ELMOD1: variants seen among roughly 807,000 people sequenced by gnomAD.
The protein encoded by ELMOD1 is ELMO domain-containing protein 1.
Under a neutral mutation model 46.7 loss-of-function variants are expected in ELMOD1, and 21 were observed. That is an observed-to-expected ratio of 0.45 (90% confidence interval 0.32 to 0.65). The LOEUF (loss-of-function observed/expected upper bound fraction) is 0.65. Ranked by LOEUF, ELMOD1 falls within the 30% of genes least tolerant of loss-of-function variation. The probability of loss-of-function intolerance (pLI) is 0.04; values close to 1 mark genes in which losing one functional copy is unlikely to be tolerated. For missense variants in ELMOD1, 348 were observed against 407.8 expected, an observed-to-expected ratio of 0.85 and a Z score of 1.26; for synonymous variants, 122 against 138.2, an observed-to-expected ratio of 0.88 and a Z score of 0.82.
chr11:107,597,205 G>T (rs897031094), intron 1 of ELMOD1, among the ~76,000 whole-genome samples: 1 of 152,116 alleles, frequency 6.6e-6, no homozygotes, highest in Non-Finnish European at 1.5e-5. Context: ...TGACAATCAG[G>T]ATTAAATTTG....
At chr11:107,664,040 C>T (rs1591143846) in intron 11 of ELMOD1, among the ~76,000 whole-genome samples, 1 of 152,132 alleles carries the variant, frequency 6.6e-6, no homozygotes, top group African/African-American at 2.4e-5. Flanking sequence ...GGCTGGAGTG[C>T]AGTGGCGCAA....
chr11:107,640,092 C>G (rs1866294954), intron 6 of ELMOD1, among the ~76,000 whole-genome samples: 1 of 152,194 alleles, frequency 6.6e-6, no homozygotes, highest in South Asian at 2.1e-4. Flanking sequence ...CAACCTCCAC[C>G]TCCCAGGTTC....
At chr11:107,655,573 C>CTTTTTTTTTTTTTT (rs746890763) in intron 10 of ELMOD1, among the ~76,000 whole-genome samples, 3,683 of 112,180 alleles carry the variant, frequency 0.033, 297 homozygotes, top group Non-Finnish European at 0.046. Context: ...ATTGAAATGC[C>CTTTTTTTTTTTTTT]TTTTTTTTTT....
At chr11:107,649,929 C>A (rs1165847346) in intron 7 of ELMOD1, among the ~76,000 whole-genome samples, 2 of 151,960 alleles carry the variant, frequency 1.3e-5, no homozygotes, top group Non-Finnish European at 2.9e-5. Context: ...GAAACATATC[C>A]TCTCTCATCT....
chr11:107,634,408 A>T (rs1244298670), intron 5 of ELMOD1, among the ~76,000 whole-genome samples: 1 of 152,130 alleles, frequency 6.6e-6, no homozygotes. Flanking sequence ...TTATTCAAAT[A>T]GTGTACATTC....
intron 1 of ELMOD1, among the ~76,000 whole-genome samples, chr11:107,605,859 G>A (rs1865676698): frequency 6.6e-6 from 1 of 152,226 alleles, no homozygotes; most frequent in Non-Finnish European, 1.5e-5. Flanking sequence ...AATATGAGAT[G>A]CAGCATAGCC....
chr11:107,601,045 T>C (rs1014877914), intron 1 of ELMOD1, among the ~76,000 whole-genome samples: 2 of 152,182 alleles, frequency 1.3e-5, no homozygotes, highest in Non-Finnish European at 1.5e-5. Flanking sequence ...TAAAACATTG[T>C]ATTGCTACAA....
intron 2 of ELMOD1, chr11:107,619,924 T>C (rs891825813): frequency 1.3e-5 from 2 of 152,208 alleles, no homozygotes; most frequent in Admixed American, 6.5e-5. Flanking sequence ...AAAGCTAGGA[T>C]AACAGATTGT....
chr11:107,611,824 C>T (rs1240419364), intron 1 of ELMOD1, among the ~76,000 whole-genome samples: 1 of 151,706 alleles, frequency 6.6e-6, no homozygotes, highest in Admixed American at 6.6e-5. Flanking sequence ...AATGAGATAC[C>T]ATCTCACATT....
chr11:107,615,799 A>G (rs1049988522), intron 1 of ELMOD1, among the ~76,000 whole-genome samples: 20 of 150,024 alleles, frequency 1.3e-4, no homozygotes, highest in Admixed American at 3.3e-4. Context: ...CTGATTAGAT[A>G]TTTTGTGGCA....
In ELMOD1 at chr11:107,639,980, C is replaced by T. The variant is rs115229440; in HGVS notation, c.420+4215C>T. 2.6e-3 allele frequency among the ~76,000 whole-genome samples: 402 copies of T among 152,188 alleles called. 3 individuals are homozygous for T. The highest frequency in any genetic ancestry group is 9.1e-3 in the African/African-American group (377 of 41,512). On this transcript the variant is annotated intron_variant, in intron 6 of 11. Transcript: ENST00000265840. ...AAGAGCTTACCTATTGGAAGAGAAT[C>T]GAAATAGCTCAAGGCTATTTTATTT...
chr11:107,599,760 G>GAAAAAAAA (rs1389152842), intron 1 of ELMOD1, among the ~76,000 whole-genome samples: 2 of 113,130 alleles, frequency 1.8e-5, no homozygotes, highest in African/African-American at 3.4e-5. Context: ...AAGAAAAAAA[G>GAAAAAAAA]AAAAGAAAAA....
intron 6 of ELMOD1, 96 bp from the exon 7 acceptor site, chr11:107,647,372 A>G: frequency 8.8e-7 from 1 of 1,132,584 alleles, no homozygotes. Context: ...GCATACATTC[A>G]GCTTTGCAAA....
At chr11:107,643,461 C>T (rs974528123) in intron 6 of ELMOD1, 3 of 300,688 alleles carry the variant, frequency 1.0e-5, no homozygotes, top group Non-Finnish European at 2.1e-5. Flanking sequence ...TATACTAACC[C>T]TGCTGGGGAA....
chr11:107,599,587 C>G (rs1414281649), intron 1 of ELMOD1, among the ~76,000 whole-genome samples: 1 of 151,438 alleles, frequency 6.6e-6, no homozygotes, highest in Non-Finnish European at 1.5e-5. Context: ...ACTACAAATA[C>G]AAAAATTAGC....
intron 1 of ELMOD1, among the ~76,000 whole-genome samples, chr11:107,606,994 A>G (rs1865696083): frequency 6.6e-6 from 1 of 152,246 alleles, no homozygotes; most frequent in Admixed American, 6.5e-5. Context: ...ATATACATAC[A>G]TACTAATCAT....
intron 11 of ELMOD1, among the ~76,000 whole-genome samples, chr11:107,656,501 G>A (rs562709563): frequency 6.3e-4 from 94 of 150,298 alleles, no homozygotes; most frequent in Non-Finnish European, 1.2e-3. Flanking sequence ...GAGAGAGAAA[G>A]AGAAAGAGAG....
chr11:107,621,071 A>AT (rs1865939246), intron 2 of ELMOD1, among the ~76,000 whole-genome samples: 1 of 152,220 alleles, frequency 6.6e-6, no homozygotes, highest in Non-Finnish European at 1.5e-5. Flanking sequence ...GCTGAAGATC[A>AT]TTTCCCTCGT....
intron 1 of ELMOD1, chr11:107,591,837 C>T (rs1482372663): frequency 4.2e-6 from 2 of 474,282 alleles, no homozygotes; most frequent in Non-Finnish European, 8.8e-6. Flanking sequence ...TTGTGGGCTT[C>T]GGTCTCCAGG....
Sources: gnomAD v4.1 joint callset for allele counts (sites outside exome capture counted in the v4.1 genomes callset) on GRCh38, gnomAD v4.1.1 for gene constraint, MANE v1.5 for transcripts, NCBI Gene and HGNC (gene_info 2026-07-23, HGNC 2026-07-21) for gene names.